Variants in PHTF2 observed in about 807,000 individuals in gnomAD.
PHTF2 encodes protein PHTF2.
A neutral mutation model predicts 101.2 loss-of-function variants in PHTF2; 60 were observed. That is an observed-to-expected ratio of 0.59 (90% confidence interval 0.48 to 0.73). PHTF2 has a LOEUF of 0.73. Among genes scored for constraint, PHTF2 ranks in the 30% least tolerant of loss-of-function variants. The pLI, the probability that PHTF2 is intolerant of heterozygous loss-of-function variation, is 0.00. For missense variants in PHTF2, 747 were observed against 908.7 expected (o/e 0.82, Z 2.29); for synonymous variants, 311 against 307.3 (o/e 1.01, Z -0.13).
At chr7:77,894,607 T>C (rs1357081856) in intron 5 of PHTF2, among the ~76,000 whole-genome samples, 1 of 152,214 alleles carries the variant, frequency 6.6e-6, no homozygotes, top group Non-Finnish European at 1.5e-5. Flanking sequence ...GCGTTAAATA[T>C]AGGATTAAGT....
At chr7:77,949,611 T>A in intron 16 of PHTF2, 67 bp from the exon 16 acceptor site, 1 of 780,722 alleles carries the variant, frequency 1.3e-6, no homozygotes, top group Non-Finnish European at 2.0e-6. Flanking sequence ...AATCTATGTT[T>A]ATTTCTTTTG....
intron 1 of PHTF2, among the ~76,000 whole-genome samples, chr7:77,838,791 T>C (rs986220489): frequency 6.6e-6 from 1 of 152,228 alleles, no homozygotes; most frequent in African/African-American, 2.4e-5. Context: ...TTAGGCTGTT[T>C]GTCAGGAATT....
intron 3 of PHTF2, among the ~76,000 whole-genome samples, chr7:77,888,364 C>T (rs930438683): frequency 1.3e-5 from 2 of 152,176 alleles, no homozygotes; most frequent in African/African-American, 4.8e-5. Context: ...GATCTACCCA[C>T]CTCTGCATCC....
At chr7:77,906,558 GATTAC>G (rs1801879980) in intron 7 of PHTF2, 1 of 152,090 alleles carries the variant, frequency 6.6e-6, no homozygotes, top group African/African-American at 2.4e-5. Flanking sequence ...CCAGCCCTAG[GATTAC>G]AGAGAATGGT....
At chr7:77,938,505 C>T (rs982953098) in intron 13 of PHTF2, among the ~76,000 whole-genome samples, 160 of 151,574 alleles carry the variant, frequency 1.1e-3, no homozygotes, top group African/African-American at 3.8e-3. Flanking sequence ...CTGAGGCGGG[C>T]GGATCACAAG....
chr7:77,799,092 T>A (rs1232607861), intron 1 of PHTF2, 121 bp downstream of exon 1: 1 of 152,290 alleles, frequency 6.6e-6, no homozygotes, highest in East Asian at 1.9e-4. Flanking sequence ...AGGTGGGGGC[T>A]CCGGGGCCAA....
chr7:77,870,458 C>T (rs1010305481), intron 3 of PHTF2, among the ~76,000 whole-genome samples: 2 of 152,148 alleles, frequency 1.3e-5, no homozygotes, highest in Non-Finnish European at 2.9e-5. Context: ...AAGCATCCAG[C>T]ACAGGAGAAA....
intron 16 of PHTF2, among the ~76,000 whole-genome samples, chr7:77,943,107 A>G (rs1374843522): frequency 8.5e-6 from 1 of 118,320 alleles, no homozygotes. Context: ...CATGTTTACT[A>G]TTCTTTTCTT....
chr7:77,834,542 T>A (rs1365262657), intron 1 of PHTF2, among the ~76,000 whole-genome samples: 1 of 152,178 alleles, frequency 6.6e-6, no homozygotes, highest in African/African-American at 2.4e-5. Flanking sequence ...TCAAGTCCTA[T>A]ACTCACGTGT....
chr7:77,947,822 TTTTCTTTTTTC>T (rs1806185544), intron 16 of PHTF2, among the ~76,000 whole-genome samples: 1 of 124,620 alleles, frequency 8.0e-6, no homozygotes, highest in Non-Finnish European at 1.6e-5. Context: ...TTATTTTCTT[TTTTCTTTTTTC>T]TTTCTTTTTT....
chr7:77,814,615 G>A (rs1335514856), intron 1 of PHTF2, among the ~76,000 whole-genome samples: 1 of 151,460 alleles, frequency 6.6e-6, no homozygotes, highest in Non-Finnish European at 1.5e-5. Context: ...TGGTTCAAGC[G>A]ATTCTTCTGC....
rs570004295 is a variant in PHTF2 at position 77,840,673 on chromosome 7, T to C, written c.45+373T>C. The stretch of plus-strand genomic sequence containing the variant: ...TTGTTTCTTGTAAGTTACAATTCAA[T>C]AGCTGAATGTTTCAGTAAAATAAAG... On this transcript the variant is annotated intron_variant, in intron 2 of 19. Transcript: ENST00000416283. Among the ~76,000 whole-genome samples, 91 of 152,176 alleles carry C rather than the reference T, an allele frequency of 6.0e-4. 1 individual carries two copies. The highest frequency in any genetic ancestry group is 5.0e-4 in the Non-Finnish European group (34 of 67,946).
intron 3 of PHTF2, among the ~76,000 whole-genome samples, chr7:77,870,699 T>G (rs1036075032): frequency 1.1e-4 from 16 of 152,178 alleles, no homozygotes; most frequent in Admixed American, 8.5e-4. Context: ...CACTCAGTAT[T>G]AAGCATCACA....
chr7:77,925,495 G>GTT (rs58290945), intron 11 of PHTF2, among the ~76,000 whole-genome samples: 837 of 73,184 alleles, frequency 0.011, 43 homozygotes, highest in African/African-American at 0.017. Context: ...AGTTTTTAGG[G>GTT]TTTTTTTTTT....
chr7:77,925,495 G>GTTTTTGTTTTTTTTTTTT (rs1803882255), intron 11 of PHTF2, among the ~76,000 whole-genome samples: 1 of 73,138 alleles, frequency 1.4e-5, no homozygotes, highest in African/African-American at 5.8e-5. Context: ...AGTTTTTAGG[G>GTTTTTGTTTTTTTTTTTT]TTTTTTTTTT....
chr7:77,917,883 A>G (rs1803082003), intron 9 of PHTF2, among the ~76,000 whole-genome samples: 1 of 152,202 alleles, frequency 6.6e-6, no homozygotes. Context: ...ACTTACCTTC[A>G]TAGGGTTCAT....
At chr7:77,869,207 C>T (rs182133537) in intron 3 of PHTF2, among the ~76,000 whole-genome samples, 6 of 152,216 alleles carry the variant, frequency 3.9e-5, no homozygotes, top group Admixed American at 3.9e-4. Flanking sequence ...TTGATACATA[C>T]AATGGGTAAT....
rs1442795216 is a variant in PHTF2, at chr7:77,932,586, AAGAGAGAGAGAGAGAAAGAG to A, written c.1338+3275_1338+3294del. On this transcript the variant is annotated intron_variant, in intron 12 of 19. Coordinates refer to ENST00000416283, the Ensembl canonical transcript of PHTF2. ...AGAGAGAGGGAGAGAGAGAAAGAGGAAGAGAGAGAGAGAGAAAGAGAGAGAGAGAGAGAGAGTGTGTGTGT... is the reference window on the plus strand; with the variant it reads ...AGAGAGAGGGAGAGAGAGAAAGAGGAAGAGAGAGAGAGAGAGTGTGTGTGT... Among the ~76,000 whole-genome samples, 203 of 133,002 alleles carry A rather than the reference AAGAGAGAGAGAGAGAAAGAG, an allele frequency of 1.5e-3. 1 individual carries two copies. Among genetic ancestry groups the A allele is most frequent in the Non-Finnish European group, 2.3e-3 (142 of 62,634 alleles). 87.3% of individuals were successfully genotyped at this position (133,002 alleles called of 152,430 possible). A position where few individuals can be genotyped will look rare whatever the true frequency, so the allele number is the denominator to read the frequency against.
At chr7:77,833,851 T>A (rs1795245647) in intron 1 of PHTF2, among the ~76,000 whole-genome samples, 1 of 152,156 alleles carries the variant, frequency 6.6e-6, no homozygotes, top group South Asian at 2.1e-4. Context: ...AGATATTTTT[T>A]ATTTAGTTTA....
Sources: allele counts gnomAD v4.1 joint callset (sites outside exome capture counted in the v4.1 genomes callset), GRCh38; gene constraint gnomAD v4.1.1; transcripts MANE v1.5; gene names NCBI Gene and HGNC (gene_info 2026-07-23, HGNC 2026-07-21).